Variants in ADARB2 observed in about 807,000 individuals in gnomAD.
ADARB2 encodes inactive double-stranded RNA-specific editase B2.
A neutral mutation model predicts 62.2 loss-of-function variants in ADARB2; 25 were observed. The observed-to-expected ratio is 0.40, with a 90% confidence interval of 0.29 to 0.56. ADARB2 has a LOEUF of 0.56. Among genes scored for constraint, ADARB2 ranks in the 20% least tolerant of loss-of-function variants. The pLI, the probability that ADARB2 is intolerant of heterozygous loss-of-function variation, is 0.43. For synonymous variants in ADARB2, 572 were observed against 500.8 expected (o/e 1.14, Z -1.90); for missense variants, 1,071 against 1,077.4 (o/e 0.99, Z 0.08).
At position 1,682,238 on chromosome 10, in the gene ADARB2, C is replaced by T. The variant is rs560689574; in HGVS notation, c.100+54813G>A. ...CACTGGGCGTCGAAGACCCAGAGGC[C>T]TCAGCACGAAGCCAGCAGCTCATCC... is the stretch of plus-strand genomic sequence containing the variant. On this transcript the variant is annotated intron_variant, in intron 1 of 9. Transcript: ENST00000381312. Among the ~76,000 whole-genome samples, 117 of 152,282 alleles carry T rather than the reference C, an allele frequency of 7.7e-4. 1 individual carries two copies. Among genetic ancestry groups the T allele is most frequent in the Non-Finnish European group, 1.2e-4 (8 of 68,028 alleles).
In ADARB2 at chr10:1,727,681, G is replaced by T. The variant is rs560332696; in HGVS notation, c.100+9370C>A. 1.4e-3 allele frequency among the ~76,000 whole-genome samples: 219 copies of T among 152,242 alleles called. 2 individuals are homozygous for T. The highest frequency in any genetic ancestry group is 5.1e-3 in the African/African-American group (213 of 41,530). ...ATCTATTTTTGTAAGCCCATCTGATGATAATTTATATATATATATAGTGTT... is the reference window on the plus strand; with the variant it reads ...ATCTATTTTTGTAAGCCCATCTGATTATAATTTATATATATATATAGTGTT... On this transcript the variant is annotated intron_variant, in intron 1 of 9. Coordinates refer to ENST00000381312, the MANE Select transcript of ADARB2 (RefSeq NM_018702.4).
chr10:1,674,123 G>A (rs951528567), intron 1 of ADARB2, among the ~76,000 whole-genome samples: 3 of 152,238 alleles, frequency 2.0e-5, no homozygotes, highest in Admixed American at 2.0e-4. Flanking sequence ...GAACGGCCCC[G>A]TCGGCCGGGG....
chr10:1,349,468 T>A (rs1832113417), intron 3 of ADARB2, among the ~76,000 whole-genome samples: 1 of 152,144 alleles, frequency 6.6e-6, no homozygotes, highest in African/African-American at 2.4e-5. Context: ...AGGAGATCAA[T>A]CCCCTGTCCT....
intron 1 of ADARB2, among the ~76,000 whole-genome samples, chr10:1,587,204 C>T (rs72764989): frequency 0.015 from 2,335 of 152,240 alleles, 31 homozygotes; most frequent in Non-Finnish European, 0.023. Context: ...ATTATTTTGA[C>T]CTCAAAAACA....
intron 1 of ADARB2, among the ~76,000 whole-genome samples, chr10:1,529,488 G>A (rs1296390677): frequency 2.0e-5 from 3 of 152,118 alleles, no homozygotes; most frequent in Non-Finnish European, 4.4e-5. Flanking sequence ...ATCCGCCCCT[G>A]CACAGTAGCT....
chr10:1,199,878 G>A (rs147048704), intron 8 of ADARB2, 88 bp downstream of exon 8: 184 of 1,343,572 alleles, frequency 1.4e-4, no homozygotes, highest in Middle Eastern at 5.3e-4. Flanking sequence ...CATGGATGAA[G>A]TCTGCGAGGG....
Position 1,242,222 on chromosome 10 carries a change from G to T in ADARB2, c.1270C>A (p.Gln424Lys), listed in dbSNP as rs1830932160. ...TGGCAGTCATTCACCACCAGCCCCT[G>T]GTCACTGAGGTGCTCGCCGCTGATG... is the stretch of plus-strand genomic sequence containing the variant. ...KCISGEHLSD[Q>K]GLVVNDCHAE... is the part of the protein sequence containing the mutation. Residue 424 changes from glutamine to lysine, a missense_variant, in exon 5 of 10, where the codon CAG becomes AAG. Gln to Lys is a moderately conservative substitution (Grantham distance 53). Transcript: ENST00000381312. The T allele has an allele frequency of 1.2e-6, 2 of 1,605,704 alleles. No individual in the cohort carries two copies. Among genetic ancestry groups the T allele is most frequent in the Non-Finnish European group, 1.7e-6 (2 of 1,177,202 alleles).
At chr10:1,216,547 C>A (rs1302706058) in intron 7 of ADARB2, 8 of 220,698 alleles carry the variant, frequency 3.6e-5, no homozygotes. Context: ...TTTGGCTGTC[C>A]CTGGACATTA....
At chr10:1,558,366 C>T (rs1423452074) in intron 1 of ADARB2, among the ~76,000 whole-genome samples, 1 of 142,940 alleles carries the variant, frequency 7.0e-6, no homozygotes, top group Non-Finnish European at 1.5e-5. Context: ...GGGTGCTCAG[C>T]CCCCGCATGC....
chr10:1,232,048 A>T, intron 6 of ADARB2, among the ~76,000 whole-genome samples: 1 of 152,306 alleles, frequency 6.6e-6, no homozygotes, highest in East Asian at 1.9e-4. Flanking sequence ...AGTCAGGCCA[A>T]AGCCAAGCCT....
chr10:1,226,242 C>T (rs1830744314), intron 6 of ADARB2, among the ~76,000 whole-genome samples: 1 of 152,198 alleles, frequency 6.6e-6, no homozygotes, highest in African/African-American at 2.4e-5. Context: ...AGCTCTCGTG[C>T]CTTGATTTTC....
At chr10:1,217,679 G>GT (rs1234372931) in intron 6 of ADARB2, among the ~76,000 whole-genome samples, 2 of 152,244 alleles carry the variant, frequency 1.3e-5, no homozygotes, top group African/African-American at 4.8e-5. Flanking sequence ...CCTTGGGAAA[G>GT]TGTCTCAAAG....
intron 1 of ADARB2, among the ~76,000 whole-genome samples, chr10:1,612,529 A>T (rs1033743806): frequency 6.6e-6 from 1 of 152,224 alleles, no homozygotes; most frequent in African/African-American, 2.4e-5. Context: ...CATCTTCCCA[A>T]CTCTGAGGCA....
At chr10:1,627,228 T>C (rs1833782267) in intron 1 of ADARB2, among the ~76,000 whole-genome samples, 2 of 152,082 alleles carry the variant, frequency 1.3e-5, no homozygotes, top group African/African-American at 2.4e-5. Flanking sequence ...ATTGATTTAT[T>C]GATTTAGAGG....
chr10:1,597,756 C>A (rs1833353479), intron 1 of ADARB2, among the ~76,000 whole-genome samples: 1 of 152,196 alleles, frequency 6.6e-6, no homozygotes. Flanking sequence ...TTCAGTCCAG[C>A]AATCCCACTA....
At chr10:1,554,605 G>T (rs776807224) in intron 1 of ADARB2, among the ~76,000 whole-genome samples, 2 of 152,082 alleles carry the variant, frequency 1.3e-5, no homozygotes, top group Non-Finnish European at 2.9e-5. Flanking sequence ...TTTCCCCACA[G>T]CCCCCAACGG....
chr10:1,453,585 C>G (rs1336034129), intron 1 of ADARB2, among the ~76,000 whole-genome samples: 1 of 152,248 alleles, frequency 6.6e-6, no homozygotes, highest in East Asian at 1.9e-4. Flanking sequence ...GGAGAAAATA[C>G]TTGCAAATCA....
At chr10:1,374,342 C>T (rs1832403058) in intron 2 of ADARB2, among the ~76,000 whole-genome samples, 2 of 152,222 alleles carry the variant, frequency 1.3e-5, no homozygotes, top group South Asian at 4.1e-4. Flanking sequence ...TTTCCATCCA[C>T]TTCTCCCACG....
In ADARB2 at chr10:1,200,012, G is replaced by A. The variant is rs755457871; in HGVS notation, c.1818C>T (p.Val606=). Residue 606 remains valine, a synonymous_variant, in exon 8 of 10, where the codon GTC becomes GTT. Transcript: ENST00000381312. ...GCCGGTAGGAGGCGGGCAGCTGGCC[G>A]ACACCCTCCATGCGGTGGCTCATGA... ...ARVMSHRMEG[V]GQLPASYRHN... 4.4e-6 allele frequency: 7 copies of A among 1,581,462 alleles called. No homozygotes were observed. Among genetic ancestry groups the A allele is most frequent in the African/African-American group, 1.3e-5 (1 of 74,546 alleles).
Sources: gnomAD v4.1 joint callset for allele counts (sites outside exome capture counted in the v4.1 genomes callset) on GRCh38, gnomAD v4.1.1 for gene constraint, MANE v1.5 for transcripts, NCBI Gene and HGNC (gene_info 2026-07-23, HGNC 2026-07-21) for gene names.